LAMA2: variants seen among roughly 807,000 people sequenced by gnomAD.
The protein encoded by LAMA2 is laminin subunit alpha 2, also known as laminin subunit alpha-2.
A neutral mutation model predicts 364.8 loss-of-function variants in LAMA2; 269 were observed. That is an observed-to-expected ratio of 0.74 (90% CI 0.67 to 0.82). The LOEUF is 0.82. Ranked by LOEUF, LAMA2 falls within the 40% of genes least tolerant of loss-of-function variation. LAMA2 has a pLI of 0.00. For synonymous variants in LAMA2, 1,379 were observed against 1,370.6 expected (o/e 1.01, Z -0.14); for missense variants, 3,807 against 3,873.2 (o/e 0.98, Z 0.45).
At chr6:129,116,102 G>A (rs1468892881) in intron 4 of LAMA2, among the ~76,000 whole-genome samples, 2 of 152,088 alleles carry the variant, frequency 1.3e-5, no homozygotes, top group African/African-American at 2.4e-5. Flanking sequence ...AAACTAAGTT[G>A]ACTAATGACA....
chr6:129,130,405 A>G (rs1777396116), intron 4 of LAMA2, among the ~76,000 whole-genome samples: 1 of 152,222 alleles, frequency 6.6e-6, no homozygotes, highest in Non-Finnish European at 1.5e-5. Flanking sequence ...CTGCCTGTAA[A>G]CAAGATTTTA....
intron 1 of LAMA2, among the ~76,000 whole-genome samples, chr6:128,938,885 C>G (rs993692778): frequency 6.6e-6 from 1 of 152,100 alleles, no homozygotes; most frequent in South Asian, 2.1e-4. Flanking sequence ...GCTGCTTGAT[C>G]CAAAAACCTA....
At chr6:129,186,144 TA>T (rs1341332098) in intron 10 of LAMA2, among the ~76,000 whole-genome samples, 2 of 151,724 alleles carry the variant, frequency 1.3e-5, no homozygotes, top group African/African-American at 4.8e-5. Context: ...GATTAACAGT[TA>T]AAACAACTTT....
In LAMA2 at chr6:129,315,566, G is replaced by T. The variant is rs1359108756; in HGVS notation, c.3646G>T (p.Glu1216Ter). The change falls in exon 25 of 65, where the codon GAG (glutamate) becomes TAG (stop). Residue 1216 changes from glutamate to a stop codon, truncating the protein, a stop_gained. Transcript: ENST00000421865. LOFTEE classifies it high-confidence loss of function. ...TTKGIVFQHP[E>*]IVAHMDLMRE... ...CAAGGGCATTGTTTTTCAACATCCAGAGATTGTTGCCCACATGGACCTGAT... is the reference window on the plus strand; with the variant it reads ...CAAGGGCATTGTTTTTCAACATCCATAGATTGTTGCCCACATGGACCTGAT... 1 of 1,613,954 alleles carries T rather than the reference G, an allele frequency of 6.2e-7. No individual in the cohort carries two copies. The highest frequency in any genetic ancestry group is 8.5e-7 in the Non-Finnish European group (1 of 1,179,946).
At chr6:129,090,731 T>G (rs1234414336) in intron 3 of LAMA2, among the ~76,000 whole-genome samples, 1 of 152,226 alleles carries the variant, frequency 6.6e-6, no homozygotes, top group African/African-American at 2.4e-5. Context: ...AGGGTTCATA[T>G]TTTTGGCACA....
chr6:128,920,163 C>CTT (rs754182409), intron 1 of LAMA2, among the ~76,000 whole-genome samples: 3 of 143,226 alleles, frequency 2.1e-5, no homozygotes. Context: ...TTTTTCTTTT[C>CTT]TTTTTTTTTT....
At chr6:129,191,667 T>A (rs1428631146) in intron 11 of LAMA2, among the ~76,000 whole-genome samples, 1 of 152,248 alleles carries the variant, frequency 6.6e-6, no homozygotes, top group African/African-American at 2.4e-5. Flanking sequence ...TTGTACCTGG[T>A]TTCTATTTCT....
intron 20 of LAMA2, among the ~76,000 whole-genome samples, chr6:129,296,623 C>A (rs973976150): frequency 1.3e-5 from 2 of 151,736 alleles, no homozygotes; most frequent in Non-Finnish European, 2.9e-5. Context: ...TATAATGAGG[C>A]TTATTAATTT....
chr6:129,145,862 A>G (rs1024383797), intron 5 of LAMA2, among the ~76,000 whole-genome samples: 23 of 151,966 alleles, frequency 1.5e-4, no homozygotes, highest in Non-Finnish European at 4.4e-5. Flanking sequence ...AAAAGCATTT[A>G]CAAATACTAC....
chr6:129,234,533 A>T (rs1355423730), intron 12 of LAMA2, among the ~76,000 whole-genome samples: 6 of 152,160 alleles, frequency 3.9e-5, no homozygotes, highest in African/African-American at 1.4e-4. Context: ...GTTATCTTGG[A>T]ATTGGAATTT....
intron 40 of LAMA2, among the ~76,000 whole-genome samples, chr6:129,422,654 A>G (rs1781132704): frequency 6.6e-6 from 1 of 152,158 alleles, no homozygotes; most frequent in Non-Finnish European, 1.5e-5. Context: ...AAACTCACAG[A>G]TAAATAATCT....
intron 40 of LAMA2, among the ~76,000 whole-genome samples, chr6:129,409,648 C>T (rs1055882994): frequency 1.3e-5 from 2 of 152,172 alleles, no homozygotes; most frequent in African/African-American, 4.8e-5. Context: ...CAGAAGATGG[C>T]AGGGCCTTGC....
intron 4 of LAMA2, among the ~76,000 whole-genome samples, chr6:129,124,170 A>AATAATC (rs1776973377): frequency 6.6e-6 from 1 of 152,316 alleles, no homozygotes; most frequent in Non-Finnish European, 1.5e-5. Context: ...CTTGGTTAAT[A>AATAATC]GTTGAGATCT....
At chr6:129,428,214 G>T (rs1488554630) in intron 41 of LAMA2, among the ~76,000 whole-genome samples, 1 of 152,240 alleles carries the variant, frequency 6.6e-6, no homozygotes, top group Middle Eastern at 3.4e-3. Flanking sequence ...AGGATCCCTT[G>T]GTGCCAAGAA....
Position 129,165,651 on chromosome 6 carries a change from A to G in LAMA2, c.1282A>G (p.Lys428Glu), listed in dbSNP as rs769655239. The G allele has an allele frequency of 6.2e-7, 1 of 1,611,714 alleles. No individual in the cohort carries two copies. Among genetic ancestry groups the G allele is most frequent in the Non-Finnish European group, 8.5e-7 (1 of 1,178,100 alleles). The change falls in exon 9 of 65, where the codon AAG (lysine) becomes GAG (glutamate). Residue 428 changes from lysine (K) to glutamate (E), a missense_variant. Lys to Glu is a moderately conservative substitution (Grantham distance 56). Transcript: ENST00000421865. ...PIGSLNEVCV[K>E]DEKHARRGLA... ...TGGTTCCTTAAATGAAGTCTGTGTC[A>G]AGGATGAGAAACATGCTCGACGAGG...
intron 12 of LAMA2, among the ~76,000 whole-genome samples, chr6:129,222,280 G>A (rs1017976499): frequency 6.6e-6 from 1 of 152,016 alleles, no homozygotes; most frequent in Non-Finnish European, 1.5e-5. Context: ...AATGGAATTA[G>A]TAGGAGTACT....
chr6:129,171,032 T>A (rs1220083759), intron 9 of LAMA2, among the ~76,000 whole-genome samples: 5 of 151,976 alleles, frequency 3.3e-5, no homozygotes, highest in African/African-American at 1.2e-4. Context: ...GCTTGGTAGA[T>A]CTTCCTCCAT....
intron 9 of LAMA2, among the ~76,000 whole-genome samples, chr6:129,173,250 A>G (rs1043659128): frequency 2.0e-5 from 3 of 152,246 alleles, no homozygotes; most frequent in Admixed American, 6.5e-5. Flanking sequence ...TATTCTTATC[A>G]GTACTTTTAT....
In LAMA2 at chr6:129,272,560, T is replaced by TA. The variant is rs959300611; in HGVS notation, c.2450+1818dup. Among the ~76,000 whole-genome samples, 14 of 151,474 alleles carry TA rather than the reference T, an allele frequency of 9.2e-5. No individual in the cohort carries two copies. The East Asian group carries it at 1.2e-3, about 13-fold the overall frequency. ...CTACGGTCTACAATGAAGACTTCTTTAAAAAAAAATACACACTGCATTTTA... is the reference window on the plus strand; with the variant it reads ...CTACGGTCTACAATGAAGACTTCTTTAAAAAAAAAATACACACTGCATTTTA... On this transcript the variant is annotated intron_variant, in intron 17 of 64. Transcript: ENST00000421865.
Sources: allele counts gnomAD v4.1 joint callset (sites outside exome capture counted in the v4.1 genomes callset), GRCh38; gene constraint gnomAD v4.1.1; transcripts MANE v1.5; gene names NCBI Gene and HGNC (gene_info 2026-07-23, HGNC 2026-07-21).